The following PANX1 variants were observed in gnomAD, a reference collection of about 807,000 sequenced individuals.
PANX1 encodes the protein pannexin-1.
A neutral mutation model predicts 38.7 loss-of-function variants in PANX1; 30 were observed. That is an observed-to-expected ratio of 0.78 (90% confidence interval 0.58 to 1.05). The LOEUF is 1.05. Among genes scored for constraint, PANX1 ranks in the 50% least tolerant of loss-of-function variants. PANX1 has a pLI of 0.00. For missense variants in PANX1, 551 were observed against 517.2 expected, an observed-to-expected ratio of 1.07 and a Z score of -0.63; for synonymous variants, 230 against 212.2, an observed-to-expected ratio of 1.08 and a Z score of -0.73.
chr11:94,147,731 T>C (rs942322773), intron 1 of PANX1, among the ~76,000 whole-genome samples: 5 of 152,186 alleles, frequency 3.3e-5, no homozygotes, highest in Admixed American at 1.3e-4. Context: ...GGTTGAGTGG[T>C]CACATCATGG....
At chr11:94,130,064 C>G (rs1323915346) in intron 1 of PANX1, among the ~76,000 whole-genome samples, 8 of 152,208 alleles carry the variant, frequency 5.3e-5, no homozygotes. Flanking sequence ...GTGAGATGAA[C>G]AAGTCCCCTT....
intron 1 of PANX1, among the ~76,000 whole-genome samples, chr11:94,145,350 T>TA (rs539737727): frequency 2.6e-4 from 40 of 151,980 alleles, no homozygotes; most frequent in Non-Finnish European, 4.6e-4. Flanking sequence ...GCTGTTGGTT[T>TA]AAAAAAAAAT....
chr11:94,136,509 G>C lies in PANX1; in HGVS notation c.181+7016G>C, dbSNP rs370730373. Among the ~76,000 whole-genome samples, 162 of 152,312 alleles carry C rather than the reference G, an allele frequency of 1.1e-3. 1 individual carries two copies. Among genetic ancestry groups the C allele is most frequent in the Middle Eastern group, 3.4e-3 (1 of 292 alleles). On this transcript the variant is annotated intron_variant, in intron 1 of 4. Transcript: ENST00000227638. ...AACTTGATACATATCGGCCGGGCGC[G>C]GTGACTCATGCTTGTAATCCCAGCA...
chr11:94,157,825 G>C (rs1946973700), intron 2 of PANX1, among the ~76,000 whole-genome samples: 1 of 152,128 alleles, frequency 6.6e-6, no homozygotes, highest in African/African-American at 2.4e-5. Context: ...CCATGCCTAT[G>C]TCCTGAATGG....
rs1221206935 is a variant in PANX1, at chr11:94,156,704, A to AG, written c.321+3074_321+3075insG. Among the ~76,000 whole-genome samples the AG allele has an allele frequency of 4.0e-5, 6 of 150,750 alleles. No homozygotes were observed. The East Asian group carries it at 1.2e-3, about 29-fold the overall frequency. ...TATCATTCATCTTTTTTTAAAAAAA[A>AG]TTATTTTTCTCGTTTTTTTTTTTCC... On this transcript the variant is annotated intron_variant, in intron 2 of 4. Coordinates refer to ENST00000227638, the MANE Select transcript of PANX1 (RefSeq NM_015368.4).
At chr11:94,170,947 G>A (rs746233529) in intron 2 of PANX1, among the ~76,000 whole-genome samples, 9 of 147,180 alleles carry the variant, frequency 6.1e-5, no homozygotes, top group Non-Finnish European at 1.0e-4. Context: ...ATGGACTTGC[G>A]TAATTTCTTC....
intron 1 of PANX1, among the ~76,000 whole-genome samples, chr11:94,134,625 C>A (rs1441316546): frequency 2.6e-5 from 4 of 151,144 alleles, no homozygotes; most frequent in Admixed American, 2.6e-4. Context: ...AGAAGAAATC[C>A]CTCTTTCTCT....
intron 2 of PANX1, among the ~76,000 whole-genome samples, chr11:94,167,040 C>T (rs796365723): frequency 7.2e-5 from 11 of 152,324 alleles, no homozygotes; most frequent in African/African-American, 2.6e-4. Context: ...TTTTCTCCCA[C>T]TGGGGCAGAA....
chr11:94,146,848 C>T (rs1186564523), intron 1 of PANX1, among the ~76,000 whole-genome samples: 1 of 152,166 alleles, frequency 6.6e-6, no homozygotes, highest in Non-Finnish European at 1.5e-5. Flanking sequence ...GCTATAAAGG[C>T]TCGTTTGGGA....
At chr11:94,130,166 T>A (rs1182543090) in intron 1 of PANX1, among the ~76,000 whole-genome samples, 1 of 152,194 alleles carries the variant, frequency 6.6e-6, no homozygotes. Context: ...TGCCTTACCT[T>A]CCTCATCAGC....
At position 94,180,104 on chromosome 11, in the gene PANX1, G is replaced by A. The variant is rs746627485; in HGVS notation, c.1048G>A (p.Val350Ile). Reference protein sequence around the residue: ...SEVKSYKCLKVLENIKSSGQG... With the variant: ...SEVKSYKCLKILENIKSSGQG... ...GGTCAAGTCATACAAGTGTCTTAAG[G>A]TACTGGAGAATATTAAGAGCAGTGG... The change falls in exon 4 of 5, where the codon GTA (valine) becomes ATA (isoleucine). Residue 350 changes from valine to isoleucine, a missense_variant. By Grantham distance (29) the Val-to-Ile change is conservative (BLOSUM62 3). Transcript: ENST00000227638. The A allele has an allele frequency of 1.3e-5, 21 of 1,613,846 alleles. No individual in the cohort carries two copies. In the South Asian group the frequency reaches 2.3e-4, roughly 18 times the overall value.
At position 94,180,116 on chromosome 11, in the gene PANX1, A is replaced by G; in HGVS notation, c.1060A>G (p.Ile354Val). The G allele has an allele frequency of 1.2e-6, 2 of 1,614,120 alleles. No homozygotes were observed. The highest frequency in any genetic ancestry group is 1.7e-6 in the Non-Finnish European group (2 of 1,179,990). ...CAAGTGTCTTAAGGTACTGGAGAAT[A>G]TTAAGAGCAGTGGTCAGGGGATCGA... ...SYKCLKVLEN[I>V]KSSGQGIDPM... The change falls in exon 4 of 5, where the codon ATT becomes GTT. Residue 354 changes from isoleucine to valine, a missense_variant. Transcript: ENST00000227638.
chr11:94,154,806 AAC>A, intron 2 of PANX1, among the ~76,000 whole-genome samples: 1 of 152,260 alleles, frequency 6.6e-6, no homozygotes, highest in Middle Eastern at 3.2e-3. Context: ...ACAGTCAATT[AAC>A]ACATATTTTA....
chr11:94,166,910 G>T (rs1346704831), intron 2 of PANX1, among the ~76,000 whole-genome samples: 10 of 152,146 alleles, frequency 6.6e-5, no homozygotes, highest in African/African-American at 2.4e-4. Context: ...CTGCTTCTAA[G>T]ACCAGTGCAG....
intron 2 of PANX1, among the ~76,000 whole-genome samples, chr11:94,156,602 G>C (rs1469396671): frequency 1.3e-5 from 2 of 152,100 alleles, no homozygotes; most frequent in East Asian, 3.8e-4. Flanking sequence ...GACAGAGATC[G>C]GGGATTACGA....
At chr11:94,148,208 C>G (rs188272965) in intron 1 of PANX1, among the ~76,000 whole-genome samples, 46 of 152,268 alleles carry the variant, frequency 3.0e-4, no homozygotes, top group Admixed American at 4.6e-4. Flanking sequence ...TTGGGACATC[C>G]AGAATATATT....
At chr11:94,176,032 T>C in intron 2 of PANX1, 1 of 360,562 alleles carries the variant, frequency 2.8e-6, no homozygotes, top group Non-Finnish European at 3.9e-6. Context: ...TTATTTTTTA[T>C]TCACTTCCAA....
intron 1 of PANX1, among the ~76,000 whole-genome samples, chr11:94,131,964 A>G (rs559248104): frequency 3.1e-3 from 465 of 152,340 alleles, no homozygotes; most frequent in Non-Finnish European, 5.6e-3. Flanking sequence ...AGACACTGAG[A>G]TAAGGCCTGC....
In PANX1 at chr11:94,180,195, G is replaced by T. The variant is rs751265087; in HGVS notation, c.1139G>T (p.Gly380Val). The stretch of plus-strand genomic sequence containing the variant: ...ATGATCAAGATGGATGTTGTTGATG[G>T]CAAAACTCCCATGTCTGCAGAGATG... ...LGMIKMDVVD[G>V]KTPMSAEMRE... is the part of the protein sequence containing the mutation. Residue 380 changes from glycine (G) to valine (V), a missense_variant, in exon 4 of 5, where the codon GGC becomes GTC. Physicochemically the swap from Gly to Val is moderately radical, Grantham distance 109. Transcript: ENST00000227638. 1 of 1,613,728 alleles carries T rather than the reference G, an allele frequency of 6.2e-7. No individual in the cohort carries two copies. The highest frequency in any genetic ancestry group is 1.7e-5 in the Admixed American group (1 of 59,984).
Sources: allele counts gnomAD v4.1 joint callset (sites outside exome capture counted in the v4.1 genomes callset), GRCh38; gene constraint gnomAD v4.1.1; transcripts MANE v1.5; gene names NCBI Gene and HGNC (gene_info 2026-07-23, HGNC 2026-07-21).